The following TRMT44 variants were observed in gnomAD, a reference collection of about 807,000 sequenced individuals.
TRMT44 encodes probable tRNA (uracil-O(2)-)-methyltransferase.
Under a neutral mutation model 77.3 loss-of-function variants are expected in TRMT44, and 78 were observed. The ratio of observed to expected loss-of-function variants is 1.01; its 90% CI spans 0.84 to 1.22. The LOEUF (loss-of-function observed/expected upper bound fraction) is 1.22, where lower values mean the gene tolerates loss of function less well. Among genes scored for constraint, TRMT44 ranks in the 50% most tolerant of loss-of-function variants. The pLI is 0.00. For missense variants in TRMT44, 1,090 were observed against 964.4 expected (o/e 1.13, Z -1.73); for synonymous variants, 391 against 383.3 (o/e 1.02, Z -0.23).
intron 2 of TRMT44, among the ~76,000 whole-genome samples, chr4:8,483,071 G>C (rs975945651): frequency 2.0e-5 from 3 of 152,066 alleles, no homozygotes; most frequent in African/African-American, 7.2e-5. Flanking sequence ...TTGTTGTGTA[G>C]AATTATTGGT....
the TRMT44 span, among the ~76,000 whole-genome samples, chr4:8,502,655 TGG>T: frequency 9.8e-6 from 1 of 102,134 alleles, no homozygotes; most frequent in African/African-American, 4.0e-5. Context: ...TTTGGCAAAG[TGG>T]GGTTGATTTT....
intron 2 of TRMT44, among the ~76,000 whole-genome samples, chr4:8,486,200 C>T (rs570889312): frequency 4.6e-5 from 7 of 152,274 alleles, no homozygotes; most frequent in African/African-American, 1.2e-4. Context: ...TCTCGGGCTG[C>T]GGGCATTCCT....
At chr4:8,492,407 T>C (rs1728034887) in intron 2 of TRMT44, among the ~76,000 whole-genome samples, 1 of 152,098 alleles carries the variant, frequency 6.6e-6, no homozygotes, top group African/African-American at 2.4e-5. Context: ...TAACAGAAAA[T>C]TATGACCGTG....
At chr4:8,514,632 C>T in the TRMT44 span, among the ~76,000 whole-genome samples, 1 of 152,042 alleles carries the variant, frequency 6.6e-6, no homozygotes, top group Non-Finnish European at 1.5e-5. Context: ...GAGGGTGAAA[C>T]GGTGGCTGCC....
At chr4:8,441,631 T>C (rs1724708810) in intron 1 of TRMT44, among the ~76,000 whole-genome samples, 190 bp downstream of exon 1, 1 of 152,140 alleles carries the variant, frequency 6.6e-6, no homozygotes, top group Non-Finnish European at 1.5e-5. Flanking sequence ...GATAATTGAT[T>C]GGGGTGGTGT....
rs915535409 is a variant in TRMT44 at position 8,446,926 on chromosome 4, C to T, written c.734+336C>T. On this transcript the variant is annotated intron_variant, in intron 2 of 10. Coordinates refer to ENST00000389737, the MANE Select transcript of TRMT44 (RefSeq NM_152544.3). This position sits in a 1 kb window ranked among gnomAD's most constrained non-coding sequence, Gnocchi z 4.3. ...TTATTGAGACAGTCTTACACTGTTG[C>T]CCAGGCTGGAGTGCATTGGTGCCAT... Among the ~76,000 whole-genome samples the T allele has an allele frequency of 6.6e-6, 1 of 152,192 alleles. No individual in the cohort carries two copies. The highest frequency in any genetic ancestry group is 1.5e-5 in the Non-Finnish European group (1 of 68,040).
intron 2 of TRMT44, among the ~76,000 whole-genome samples, chr4:8,448,076 C>G (rs529730979): frequency 4.2e-4 from 64 of 152,180 alleles, no homozygotes; most frequent in African/African-American, 1.5e-3. Flanking sequence ...TGCTCTTTAA[C>G]GAGCTACTGA....
intron 10 of TRMT44, among the ~76,000 whole-genome samples, chr4:8,472,766 T>C (rs1422778196): frequency 6.6e-6 from 1 of 152,130 alleles, no homozygotes; most frequent in Non-Finnish European, 1.5e-5. Flanking sequence ...ACACTGGGCC[T>C]GCAGTGCTGG....
chr4:8,453,640 T>G (rs1725600619), intron 5 of TRMT44: 1 of 152,350 alleles, frequency 6.6e-6, no homozygotes, highest in Non-Finnish European at 1.5e-5. Context: ...GAGCGGCACC[T>G]GCCCAGGTAG....
the TRMT44 span, chr4:8,512,643 G>A: frequency 1.3e-5 from 2 of 152,176 alleles, no homozygotes; most frequent in East Asian, 1.9e-4. Flanking sequence ...AATTTCTCGA[G>A]GTCTTGTTTC....
rs1727400238 is a variant in TRMT44 at position 8,476,522 on chromosome 4, G to A, written c.*521G>A. On this transcript the variant is annotated 3_prime_UTR_variant, in exon 11 of 11. Coordinates refer to ENST00000389737, the MANE Select transcript of TRMT44 (RefSeq NM_152544.3). ...TTGCTATGTTGAGGTTGTTTTTAGA[G>A]TTACAGAGAATAAAAACACTCATAA... 6.4e-6 allele frequency: 1 copy of A among 157,170 alleles called. No individual in the cohort carries two copies. The highest frequency in any genetic ancestry group is 2.4e-5 in the African/African-American group (1 of 41,468). The allele number at this position is 157,170 out of a possible 1,614,324, so 9.7% of individuals were successfully genotyped here.
the TRMT44 span, among the ~76,000 whole-genome samples, chr4:8,500,927 G>T: frequency 6.6e-6 from 1 of 152,218 alleles, no homozygotes; most frequent in Non-Finnish European, 1.5e-5. Flanking sequence ...CTCCCAAGGT[G>T]CTGGGAAGAC....
In TRMT44 at chr4:8,441,068, C is replaced by T. The variant is rs928501910; in HGVS notation, c.246C>T (p.Gly82=). 18 of 1,487,558 alleles carry T rather than the reference C, an allele frequency of 1.2e-5. No homozygotes were observed. The African/African-American group carries it at 1.5e-4, about 13-fold the overall frequency. The allele number at this position is 1,487,558 out of a possible 1,614,324, so 92.1% of individuals were successfully genotyped here. Residue 82 remains glycine (G), a synonymous_variant, in exon 1 of 11, where the codon GGC becomes GGT. Coordinates refer to ENST00000389737, the MANE Select transcript of TRMT44 (RefSeq NM_152544.3). The stretch of plus-strand genomic sequence containing the variant: ...CCGGCCAGGGTTCCCCCGGAGGGGG[C>T]CCGGGTCCCAGGTCGCTATCAGGAC... The part of the protein sequence containing the change: ...PGPGQGSPGG[G]PGPRSLSGPE...
the TRMT44 span, among the ~76,000 whole-genome samples, chr4:8,514,326 C>T: frequency 7.1e-6 from 1 of 141,508 alleles, no homozygotes; most frequent in Non-Finnish European, 1.5e-5. Context: ...GTGATCTCGG[C>T]TCACTGCACC....
chr4:8,491,397 C>A (rs1045634541), intron 2 of TRMT44, among the ~76,000 whole-genome samples: 1 of 152,242 alleles, frequency 6.6e-6, no homozygotes, highest in Non-Finnish European at 1.5e-5. Flanking sequence ...GCCAGTGCCA[C>A]GCTGTGCGCT....
Position 8,461,122 on chromosome 4 carries a change from A to G in TRMT44, c.1204-2863A>G, listed in dbSNP as rs1434986279. Reference sequence around the variant, plus strand: ...CACCTCGGCCTCCCACAGGGCTGGGATGACAATGAGCCGCTGCGCCGGGCC... The same window carrying G: ...CACCTCGGCCTCCCACAGGGCTGGGGTGACAATGAGCCGCTGCGCCGGGCC... On this transcript the variant is annotated intron_variant, in intron 6 of 10. Coordinates refer to ENST00000389737, the MANE Select transcript of TRMT44 (RefSeq NM_152544.3). This position sits in a 1 kb window ranked among gnomAD's most constrained non-coding sequence, Gnocchi z 4.6. Among the ~76,000 whole-genome samples the G allele has an allele frequency of 6.6e-6, 1 of 152,166 alleles. No individual in the cohort carries two copies. Among genetic ancestry groups the G allele is most frequent in the Admixed American group, 6.5e-5 (1 of 15,284 alleles).
chr4:8,495,428 C>A (rs563580576), downstream of TRMT44, among the ~76,000 whole-genome samples: 1 of 152,294 alleles, frequency 6.6e-6, no homozygotes, highest in East Asian at 1.9e-4. Flanking sequence ...GGGTTTTAGT[C>A]TGGGGGGCAT....
intron 5 of TRMT44, among the ~76,000 whole-genome samples, chr4:8,454,061 C>G (rs1321464919): frequency 6.6e-6 from 1 of 152,156 alleles, no homozygotes; most frequent in Non-Finnish European, 1.5e-5. Flanking sequence ...TGCACCCCTC[C>G]TCTTCTGCAG....
the TRMT44 span, chr4:8,510,889 C>G: frequency 2.0e-5 from 3 of 152,560 alleles, no homozygotes; most frequent in East Asian, 5.8e-4. Context: ...CATGCCTGAG[C>G]ACCCATGGCA....
Sources: allele counts gnomAD v4.1 joint callset (sites outside exome capture counted in the v4.1 genomes callset), GRCh38; gene constraint gnomAD v4.1.1; non-coding constraint Gnocchi (gnomAD v3.1); transcripts MANE v1.5; gene names NCBI Gene and HGNC (gene_info 2026-07-23, HGNC 2026-07-21).